FRAS1: variants seen among roughly 807,000 people sequenced by gnomAD.
FRAS1 encodes the protein Fraser extracellular matrix complex subunit 1, also known as extracellular matrix organizing protein FRAS1.
Under a neutral mutation model 435.2 loss-of-function variants are expected in FRAS1, and 290 were observed. The ratio of observed to expected loss-of-function variants is 0.67; its 90% confidence interval spans 0.61 to 0.73. The LOEUF (loss-of-function observed/expected upper bound fraction) is 0.73. FRAS1 is among the 30% of genes least tolerant of loss of function. FRAS1 has a pLI of 0.00. For synonymous variants in FRAS1, 1,800 were observed against 1,851.0 expected, an observed-to-expected ratio of 0.97 and a Z score of 0.71; for missense variants, 4,860 against 5,001.5, an observed-to-expected ratio of 0.97 and a Z score of 0.85.
chr4:78,142,086 A>T (rs1173439451), intron 2 of FRAS1, among the ~76,000 whole-genome samples: 1 of 152,072 alleles, frequency 6.6e-6, no homozygotes, highest in Non-Finnish European at 1.5e-5. Context: ...CCACTAAAGA[A>T]CTTACTCATA....
In FRAS1 at chr4:78,534,380, G is replaced by A. The variant is rs566130203; in HGVS notation, c.10926-69G>A. The A allele has an allele frequency of 1.5e-5, 20 of 1,322,766 alleles. 2 individuals are homozygous for A. The South Asian group carries it at 2.4e-4, about 16-fold the overall frequency. 81.9% of individuals were successfully genotyped at this position (1,322,766 alleles called of 1,614,324 possible). Reference sequence around the variant, plus strand: ...ATCCTGTGGAGGGTGGGGAAGGGAGGGTGACTCAAATGACATATGCAAAGC... The same window carrying A: ...ATCCTGTGGAGGGTGGGGAAGGGAGAGTGACTCAAATGACATATGCAAAGC... On this transcript the variant is annotated intron_variant, in intron 70 of 73. Coordinates refer to ENST00000512123, the MANE Select transcript of FRAS1 (RefSeq NM_025074.7).
chr4:78,300,629 C>G (rs905445105), intron 14 of FRAS1, among the ~76,000 whole-genome samples: 1 of 152,132 alleles, frequency 6.6e-6, no homozygotes, highest in African/African-American at 2.4e-5. Flanking sequence ...ACATGTCAAT[C>G]AGATCTTGTG....
At chr4:78,403,976 A>G (rs1348057409) in intron 30 of FRAS1, among the ~76,000 whole-genome samples, 1 of 152,210 alleles carries the variant, frequency 6.6e-6, no homozygotes, top group Non-Finnish European at 1.5e-5. Flanking sequence ...TCAAAAAATT[A>G]TAAGTCAAAC....
intron 2 of FRAS1, among the ~76,000 whole-genome samples, chr4:78,111,573 A>G (rs1243576734): frequency 1.1e-5 from 1 of 93,310 alleles, no homozygotes; most frequent in African/African-American, 4.2e-5. Flanking sequence ...GGACACAGGA[A>G]GGGGAATATC....
At chr4:78,247,568 C>T (rs1003348363) in intron 4 of FRAS1, among the ~76,000 whole-genome samples, 1 of 152,176 alleles carries the variant, frequency 6.6e-6, no homozygotes, top group Admixed American at 6.5e-5. Context: ...TTACCAAACA[C>T]TCCTTAGTGC....
intron 2 of FRAS1, among the ~76,000 whole-genome samples, chr4:78,109,099 A>T (rs1742551447): frequency 1.5e-5 from 1 of 66,064 alleles, no homozygotes; most frequent in Non-Finnish European, 2.9e-5. Flanking sequence ...AAATTGTGGC[A>T]ATAATCAATA....
chr4:78,115,544 T>C (rs940532815), intron 2 of FRAS1, among the ~76,000 whole-genome samples: 2 of 152,232 alleles, frequency 1.3e-5, no homozygotes, highest in African/African-American at 4.8e-5. Context: ...AACTTCTTCC[T>C]GGTTTGGTCT....
intron 2 of FRAS1, among the ~76,000 whole-genome samples, chr4:78,109,125 A>AG (rs1742553814): frequency 5.9e-5 from 4 of 68,262 alleles, no homozygotes; most frequent in Non-Finnish European, 1.1e-4. Context: ...CCAACCAAAA[A>AG]GAGTCCAGGA....
Position 78,430,429 on chromosome 4 carries a change from C to T in FRAS1, c.4969+12C>T. ...GCCGATGGCCACAGGTAGCTACACA[C>T]CTACACACTCTGTCACTGACCTGCT... On this transcript the variant is annotated intron_variant, in intron 37 of 73. Transcript: ENST00000512123. 6.2e-7 allele frequency: 1 copy of T among 1,608,388 alleles called. No homozygotes were observed. Among genetic ancestry groups the T allele is most frequent in the Non-Finnish European group, 8.5e-7 (1 of 1,176,330 alleles).
chr4:78,446,604 G>A, intron 42 of FRAS1, 123 bp from the exon 43 acceptor site: 2 of 1,422,266 alleles, frequency 1.4e-6, no homozygotes, highest in Non-Finnish European at 1.8e-6. Flanking sequence ...AGTAAAGATG[G>A]TGCCACATTA....
chr4:78,510,309 G>T (rs28494791), intron 63 of FRAS1, among the ~76,000 whole-genome samples: 71,197 of 151,678 alleles, frequency 0.47, 16,826 homozygotes, highest in South Asian at 0.58. Context: ...CCTGGTTTCC[G>T]TCACTTTATC....
rs1022374369 is a variant in FRAS1 at position 78,097,300 on chromosome 4, T to C, written c.108+31284T>C. 4.6e-5 allele frequency among the ~76,000 whole-genome samples: 7 copies of C among 152,304 alleles called. No individual in the cohort carries two copies. The East Asian group carries it at 5.8e-4, about 13-fold the overall frequency. On this transcript the variant is annotated intron_variant, in intron 2 of 73. Transcript: ENST00000512123. ...AGTCTCTAGGGAGTTCCAAACTTTC[T>C]CACATTTTTTCCTGTGTTCTTCTGA...
intron 61 of FRAS1, among the ~76,000 whole-genome samples, chr4:78,500,593 T>C (rs1720645394): frequency 6.6e-6 from 1 of 152,174 alleles, no homozygotes; most frequent in South Asian, 2.1e-4. Context: ...ATTTGCGACG[T>C]AGCCAGAGGA....
At chr4:78,218,452 A>G (rs1723899379) in intron 2 of FRAS1, among the ~76,000 whole-genome samples, 1 of 152,172 alleles carries the variant, frequency 6.6e-6, no homozygotes. Flanking sequence ...TCATTACGTG[A>G]GCATTGCATC....
intron 14 of FRAS1, among the ~76,000 whole-genome samples, chr4:78,301,942 G>A (rs1369124532): frequency 6.7e-6 from 1 of 148,192 alleles, no homozygotes; most frequent in African/African-American, 2.5e-5. Context: ...CAATGCTGGT[G>A]CGCTGCACCC....
intron 2 of FRAS1, among the ~76,000 whole-genome samples, chr4:78,082,636 T>C (rs1324890185): frequency 6.6e-6 from 1 of 152,138 alleles, no homozygotes; most frequent in Non-Finnish European, 1.5e-5. Flanking sequence ...GTTCTATTCT[T>C]ATTTTTCACT....
chr4:78,098,162 G>A (rs751918384), intron 2 of FRAS1, among the ~76,000 whole-genome samples: 12 of 152,174 alleles, frequency 7.9e-5, no homozygotes, highest in Middle Eastern at 3.4e-3. Flanking sequence ...GGAGAAGTTT[G>A]TCTTGGGTCC....
At chr4:78,059,344 T>A (rs1188202801) in intron 1 of FRAS1, among the ~76,000 whole-genome samples, 1 of 152,074 alleles carries the variant, frequency 6.6e-6, no homozygotes, top group East Asian at 1.9e-4. Flanking sequence ...TGGGGGACTT[T>A]CCCGTGGGTC....
intron 2 of FRAS1, among the ~76,000 whole-genome samples, chr4:78,178,230 G>A (rs561234478): frequency 6.4e-4 from 98 of 152,182 alleles, no homozygotes; most frequent in African/African-American, 2.3e-3. Context: ...ATTGGGTAGA[G>A]GCACTTTACC....
Sources: gnomAD v4.1 joint callset for allele counts (sites outside exome capture counted in the v4.1 genomes callset) on GRCh38, gnomAD v4.1.1 for gene constraint, MANE v1.5 for transcripts, NCBI Gene and HGNC (gene_info 2026-07-23, HGNC 2026-07-21) for gene names.